The following FAXC variants were observed in gnomAD, a reference collection of about 807,000 sequenced individuals.
FAXC encodes failed axon connections homolog, metaxin like GST domain containing, also known as failed axon connections homolog.
Under a neutral mutation model 41.9 loss-of-function variants are expected in FAXC, and 10 were observed. The ratio of observed to expected loss-of-function variants is 0.24; its 90% CI spans 0.15 to 0.41. The LOEUF is 0.41. Ranked by LOEUF, FAXC falls within the 10% of genes least tolerant of loss-of-function variation. FAXC has a pLI of 1.00. For synonymous variants in FAXC, 183 were observed against 183.8 expected (o/e 1.00, Z 0.03); for missense variants, 399 against 510.9 (o/e 0.78, Z 2.11).
chr6:99,304,284 CT>C (rs1771827862), intron 4 of FAXC, among the ~76,000 whole-genome samples: 1 of 151,432 alleles, frequency 6.6e-6, no homozygotes, highest in Non-Finnish European at 1.5e-5. Context: ...AAAATTCTGC[CT>C]CAAAAAATAA....
At chr6:99,349,021 G>A (rs1326250817) in intron 1 of FAXC, 86 bp downstream of exon 1, 4 of 1,328,730 alleles carry the variant, frequency 3.0e-6, no homozygotes, top group Admixed American at 2.1e-5. Flanking sequence ...TGACCGAGGG[G>A]CTGGCACGGG....
chr6:99,331,889 A>G (rs948056963), intron 3 of FAXC, among the ~76,000 whole-genome samples: 1 of 152,240 alleles, frequency 6.6e-6, no homozygotes, highest in African/African-American at 2.4e-5. Context: ...TGCATGTCAG[A>G]TGCAGTCATG....
rs1179472991 is a variant in FAXC at position 99,274,434 on chromosome 6, T to C, written c.*6730A>G. 6.6e-6 allele frequency: 1 copy of C among 152,188 alleles called. No homozygotes were observed. Among genetic ancestry groups the C allele is most frequent in the African/African-American group, 2.4e-5 (1 of 41,440 alleles). The allele number at this position is 152,188 out of a possible 1,614,324, so 9.4% of individuals were successfully genotyped here. The stretch of plus-strand genomic sequence containing the variant: ...CATGGTTGCTTGAAATTTTGACATT[T>C]GTTACTGTTTTCTTCTCTCCTCCTA... On this transcript the variant is annotated 3_prime_UTR_variant, in exon 6 of 6. Transcript: ENST00000389677.
chr6:99,349,164 G>T lies in FAXC; in HGVS notation c.209C>A (p.Thr70Asn). 6.2e-7 allele frequency: 1 copy of T among 1,613,820 alleles called. No individual in the cohort carries two copies. Among genetic ancestry groups the T allele is most frequent in the Non-Finnish European group, 8.5e-7 (1 of 1,180,004 alleles). ...DPWWKKTLYL[T>N]GGALLAAAAY... ...AGCTGCGGCCAGCAAAGCTCCCCCG[G>T]TCAAGTAAAGGGTTTTCTTCCACCA... is the stretch of plus-strand genomic sequence containing the variant. The change falls in exon 1 of 6, where the codon ACC (threonine) becomes AAC (asparagine). Residue 70 changes from threonine to asparagine, a missense_variant. Around this residue, in one of 3 missense-constraint regions of FAXC, gnomAD observed 239 missense variants for 352.7 expected, o/e 0.68. Coordinates refer to ENST00000389677, the MANE Select transcript of FAXC (RefSeq NM_032511.4).
At chr6:99,345,253 A>G (rs56259049) in intron 1 of FAXC, among the ~76,000 whole-genome samples, 58,708 of 152,012 alleles carry the variant, frequency 0.39, 12,258 homozygotes, top group African/African-American at 0.54. Flanking sequence ...ACAGCTAATG[A>G]TGGCCAAGTT....
rs116072647 is a variant in FAXC, at chr6:99,274,121, T to G, written c.*7043A>C. On this transcript the variant is annotated 3_prime_UTR_variant, in exon 6 of 6. Transcript: ENST00000389677. ...CACTCTTGAGAGACTAGAAGGAAAT[T>G]CCAAAATTAAAGGAGTAAATGTATC... 6.6e-6 allele frequency: 1 copy of G among 152,258 alleles called. No homozygotes were observed. Among genetic ancestry groups the G allele is most frequent in the African/African-American group, 2.4e-5 (1 of 41,560 alleles). The allele number at this position is 152,258 out of a possible 1,614,324, so 9.4% of individuals were successfully genotyped here.
intron 1 of FAXC, among the ~76,000 whole-genome samples, chr6:99,345,033 ATAC>A (rs567398104): frequency 8.3e-4 from 126 of 152,356 alleles, no homozygotes; most frequent in African/African-American, 2.9e-3. Flanking sequence ...ATATCATATT[ATAC>A]TATTTTATAG....
At chr6:99,292,662 A>C (rs979222072) in intron 4 of FAXC, among the ~76,000 whole-genome samples, 2 of 152,208 alleles carry the variant, frequency 1.3e-5, no homozygotes, top group Non-Finnish European at 2.9e-5. Context: ...CTACAGCCTC[A>C]GTTTTCCCAT....
At chr6:99,298,924 C>T (rs1172795714) in intron 4 of FAXC, among the ~76,000 whole-genome samples, 1 of 152,116 alleles carries the variant, frequency 6.6e-6, no homozygotes, top group African/African-American at 2.4e-5. Context: ...ACTCCCCATC[C>T]CCAACCCCAA....
intron 4 of FAXC, among the ~76,000 whole-genome samples, chr6:99,303,937 A>G (rs544041921): frequency 1.3e-5 from 2 of 152,328 alleles, no homozygotes; most frequent in South Asian, 2.1e-4. Flanking sequence ...GAGCTTCAAC[A>G]TTCAATCCTG....
intron 4 of FAXC, among the ~76,000 whole-genome samples, chr6:99,322,139 G>A (rs756222673): frequency 1.3e-5 from 2 of 152,136 alleles, no homozygotes; most frequent in African/African-American, 2.4e-5. Context: ...ACAACAGAAG[G>A]CCTAGACAAT....
chr6:99,336,820 C>T lies in FAXC; in HGVS notation c.403-3273G>A, dbSNP rs115860067. Among the ~76,000 whole-genome samples the T allele has an allele frequency of 9.0e-3, 1,371 of 152,200 alleles. 27 individuals are homozygous for T. The highest frequency in any genetic ancestry group is 0.03 in the African/African-American group (1,239 of 41,514). Reference sequence around the variant, plus strand: ...CCTTCATCAGAAGTATTTTGAAGAACTTGAGACTCTAAGAGAGATACCAGA... The same window carrying T: ...CCTTCATCAGAAGTATTTTGAAGAATTTGAGACTCTAAGAGAGATACCAGA... On this transcript the variant is annotated intron_variant, in intron 2 of 5. Coordinates refer to ENST00000389677, the MANE Select transcript of FAXC (RefSeq NM_032511.4).
Position 99,349,284 on chromosome 6 carries a change from G to GCC in FAXC, c.87_88dup (p.Ala30GlyfsTer41). 1.2e-6 allele frequency: 2 copies of GCC among 1,613,440 alleles called. No homozygotes were observed. The highest frequency in any genetic ancestry group is 1.7e-6 in the Non-Finnish European group (2 of 1,180,008). ...AAAGGAGAAGGGCTCCTCGGACCCGGCCCACCAGCCGAAGAAGGAGATGCT... is the reference window on the plus strand; with the variant it reads ...AAAGGAGAAGGGCTCCTCGGACCCGGCCCCCACCAGCCGAAGAAGGAGATGCT... On this transcript the variant is annotated frameshift_variant, in exon 1 of 6. Transcript: ENST00000389677. LOFTEE classifies it high-confidence loss of function.
intron 4 of FAXC, among the ~76,000 whole-genome samples, chr6:99,301,527 G>A (rs984833434): frequency 6.6e-6 from 1 of 152,124 alleles, no homozygotes; most frequent in Admixed American, 6.5e-5. Flanking sequence ...AAACCAGGAT[G>A]GCCACAGAAC....
intron 5 of FAXC, among the ~76,000 whole-genome samples, chr6:99,286,635 T>C (rs568501058): frequency 6.6e-6 from 1 of 152,218 alleles, no homozygotes; most frequent in African/African-American, 2.4e-5. Flanking sequence ...CTGGAGGACA[T>C]GCAGACACGC....
intron 5 of FAXC, among the ~76,000 whole-genome samples, chr6:99,291,275 G>A (rs747712046): frequency 3.3e-5 from 5 of 152,312 alleles, no homozygotes; most frequent in East Asian, 1.9e-4. Context: ...GTTCATCAGC[G>A]TCAGCCCACC....
At chr6:99,336,103 C>T (rs1773207455) in intron 2 of FAXC, among the ~76,000 whole-genome samples, 1 of 152,006 alleles carries the variant, frequency 6.6e-6, no homozygotes, top group African/African-American at 2.4e-5. Flanking sequence ...TTTACAGACA[C>T]GGGTGTCTCA....
intron 4 of FAXC, among the ~76,000 whole-genome samples, chr6:99,321,581 C>G (rs1255853115): frequency 6.6e-6 from 1 of 152,214 alleles, no homozygotes; most frequent in African/African-American, 2.4e-5. Flanking sequence ...CCAGCTAACT[C>G]CAACTTTTCA....
chr6:99,333,590 T>C, intron 2 of FAXC, 43 bp from the exon 3 acceptor site: 2 of 1,474,346 alleles, frequency 1.4e-6, no homozygotes, highest in Non-Finnish European at 1.8e-6. Flanking sequence ...CAATATTGTA[T>C]TTAAATTCCA....
Sources: gnomAD v4.1 joint callset for allele counts (sites outside exome capture counted in the v4.1 genomes callset) on GRCh38, gnomAD v4.1.1 for gene constraint, gnomAD v4.1.1 regional missense constraint, MANE v1.5 for transcripts, NCBI Gene and HGNC (gene_info 2026-07-23, HGNC 2026-07-21) for gene names.